Variants in ARHGAP39 observed in about 807,000 individuals in gnomAD.
The protein encoded by ARHGAP39 is Rho GTPase activating protein 39.
A neutral mutation model predicts 106.9 loss-of-function variants in ARHGAP39; 44 were observed. The observed-to-expected ratio is 0.41, with a 90% CI of 0.32 to 0.53. The LOEUF is 0.53. Ranked by LOEUF, ARHGAP39 falls within the 20% of genes least tolerant of loss-of-function variation. The pLI is 0.21. For synonymous variants in ARHGAP39, 768 were observed against 693.2 expected, an observed-to-expected ratio of 1.11 and a Z score of -1.69; for missense variants, 1,496 against 1,577.3, an observed-to-expected ratio of 0.95 and a Z score of 0.87.
chr8:144,580,220 C>T (rs1236155297), intron 3 of ARHGAP39, among the ~76,000 whole-genome samples: 1 of 152,230 alleles, frequency 6.6e-6, no homozygotes, highest in South Asian at 2.1e-4. Context: ...CAGAGGACCA[C>T]CTCCAAGCCT....
Position 144,532,415 on chromosome 8 carries a change from G to T in ARHGAP39, c.2889-19C>A. On this transcript the variant is annotated intron_variant, in intron 9 of 11. Transcript: ENST00000377307. ...AGGGACCCTGCAGGGCACAGGGCAG[G>T]TCTCAGGCAACAGGAGCCTGTGCTG... 6.2e-7 allele frequency: 1 copy of T among 1,605,140 alleles called. No homozygotes were observed. The highest frequency in any genetic ancestry group is 8.5e-7 in the Non-Finnish European group (1 of 1,174,314).
chr8:144,547,442 G>A lies in ARHGAP39; in HGVS notation c.1644C>T (p.Gly548=), dbSNP rs1341917763. Residue 548 remains glycine (G), a synonymous_variant, in exon 5 of 12, where the codon GGC becomes GGT. Coordinates refer to ENST00000377307, the MANE Select transcript of ARHGAP39 (RefSeq NM_025251.3). The surrounding 1 kb of genome is among the most constrained non-coding windows in gnomAD (Gnocchi z 5.2). ...RAEGEAEGAR[G]AAEPFLAQAR... ...CCTGCGCCAGGAAGGGCTCGGCCGC[G>A]CCCCGCGCCCCTTCGGCCTCACCTT... The A allele has an allele frequency of 1.9e-6, 3 of 1,573,320 alleles. No individual in the cohort carries two copies. Among genetic ancestry groups the A allele is most frequent in the East Asian group, 2.3e-5 (1 of 43,636 alleles).
In ARHGAP39 at chr8:144,547,875, G is replaced by T; in HGVS notation, c.1211C>A (p.Ala404Glu). 1 of 1,584,346 alleles carries T rather than the reference G, an allele frequency of 6.3e-7. No homozygotes were observed. Among genetic ancestry groups the T allele is most frequent in the Non-Finnish European group, 8.6e-7 (1 of 1,165,962 alleles). ...GGCGCGCAGCTTGGGGCTGGAGCCC[G>T]CCTGCTCCACGTAGACCAGCTGCCG... ...YVRQLVYVEQAGSSPKLRAGP... is the reference protein window; with the variant it reads ...YVRQLVYVEQEGSSPKLRAGP... Residue 404 changes from alanine to glutamate, a missense_variant, in exon 5 of 12, where the codon GCG (alanine) becomes GAG (glutamate). By Grantham distance (107) the Ala-to-Glu change is moderately radical. Coordinates refer to ENST00000377307, the MANE Select transcript of ARHGAP39 (RefSeq NM_025251.3). The surrounding 1 kb of genome is among the most constrained non-coding windows in gnomAD (Gnocchi z 5.2).
chr8:144,673,823 C>T (rs1394112303), intron 1 of ARHGAP39, among the ~76,000 whole-genome samples: 1 of 152,242 alleles, frequency 6.6e-6, no homozygotes, highest in Non-Finnish European at 1.5e-5. Flanking sequence ...GGTGTGTGGG[C>T]AAGCAAGCGC....
intron 3 of ARHGAP39, among the ~76,000 whole-genome samples, chr8:144,568,605 T>G (rs1376479369): frequency 6.6e-6 from 1 of 152,156 alleles, no homozygotes; most frequent in East Asian, 1.9e-4. Flanking sequence ...ATGATAACAA[T>G]GTATTAAGAC....
At chr8:144,638,797 C>T (rs1184168005) in intron 1 of ARHGAP39, among the ~76,000 whole-genome samples, 6 of 152,306 alleles carry the variant, frequency 3.9e-5, no homozygotes, top group Non-Finnish European at 5.9e-5. Flanking sequence ...CCCTCACTGC[C>T]GACATGGAAT....
chr8:144,618,884 T>G (rs1820709705), intron 1 of ARHGAP39, among the ~76,000 whole-genome samples: 1 of 152,218 alleles, frequency 6.6e-6, no homozygotes. Context: ...GCGGGCACAG[T>G]TGCGCACTGG....
chr8:144,601,547 C>G (rs1345313994), intron 2 of ARHGAP39, among the ~76,000 whole-genome samples: 9 of 128,772 alleles, frequency 7.0e-5, no homozygotes, highest in Admixed American at 2.5e-4. Context: ...TGCATGGAGG[C>G]GTGCGTGCGA....
At chr8:144,601,507 G>C (rs979932090) in intron 2 of ARHGAP39, among the ~76,000 whole-genome samples, 1 of 132,128 alleles carries the variant, frequency 7.6e-6, no homozygotes, top group Non-Finnish European at 1.6e-5. Context: ...TGTGCGTGGA[G>C]GCATGTGTGT....
rs186075047 is a variant in ARHGAP39 at position 144,613,386 on chromosome 8, T to C, written c.-81-7691A>G. On this transcript the variant is annotated intron_variant, in intron 1 of 11. Coordinates refer to ENST00000377307, the MANE Select transcript of ARHGAP39 (RefSeq NM_025251.3). ...AAAGCATCTGTAACATTTCTTTCAG[T>C]GAAGGTCTGCTGGTAATGAACTAGT... Among the ~76,000 whole-genome samples, 10 of 152,336 alleles carry C rather than the reference T, an allele frequency of 6.6e-5. 1 individual carries two copies. The highest frequency in any genetic ancestry group is 2.4e-4 in the African/African-American group (10 of 41,576).
At chr8:144,690,138 T>C (rs919719499), upstream of ARHGAP39, among the ~76,000 whole-genome samples, 4 of 152,016 alleles carry the variant, frequency 2.6e-5, no homozygotes, top group Non-Finnish European at 5.9e-5. Flanking sequence ...AGTTTCACTC[T>C]TGTTGCCCAG....
rs1819140427 is a variant in ARHGAP39, at chr8:144,585,323, C to T, written c.81-4046G>A. Among the ~76,000 whole-genome samples, 1 of 151,836 alleles carries T rather than the reference C, an allele frequency of 6.6e-6. No homozygotes were observed. Among genetic ancestry groups the T allele is most frequent in the Non-Finnish European group, 1.5e-5 (1 of 67,938 alleles). ...AAATCACCACAGAGAACCTGAGGGG[C>T]CAGCCAGGGGTTCCCAGCACCAGCT... On this transcript the variant is annotated intron_variant, in intron 2 of 11. Coordinates refer to ENST00000377307, the MANE Select transcript of ARHGAP39 (RefSeq NM_025251.3). This position sits in a 1 kb window ranked among gnomAD's most constrained non-coding sequence, Gnocchi z 4.6.
intron 3 of ARHGAP39, 47 bp downstream of exon 3, chr8:144,580,799 C>T: frequency 6.9e-7 from 1 of 1,449,816 alleles, no homozygotes; most frequent in Non-Finnish European, 9.1e-7. Context: ...TGGCCCCGCC[C>T]ACTCCATTCA....
intron 3 of ARHGAP39, among the ~76,000 whole-genome samples, chr8:144,579,712 CCCT>C (rs1372596158): frequency 6.6e-6 from 1 of 152,162 alleles, no homozygotes; most frequent in Non-Finnish European, 1.5e-5. Flanking sequence ...CACTCTGAAT[CCCT>C]CTTCTGAAGC....
intron 2 of ARHGAP39, among the ~76,000 whole-genome samples, chr8:144,590,538 G>C (rs1347036813): frequency 6.6e-6 from 1 of 152,042 alleles, no homozygotes; most frequent in African/African-American, 2.4e-5. Context: ...GCAGATGCTG[G>C]CGCCATGCTT....
At chr8:144,539,291 T>C (rs1400031869) in intron 6 of ARHGAP39, among the ~76,000 whole-genome samples, 1 of 152,218 alleles carries the variant, frequency 6.6e-6, no homozygotes, top group African/African-American at 2.4e-5. Flanking sequence ...GAGCTAAACA[T>C]GGCCTCTAAC....
rs981812717 is a variant in ARHGAP39, at chr8:144,645,022, C to T, written c.-81-39327G>A. 1.4e-4 allele frequency among the ~76,000 whole-genome samples: 21 copies of T among 152,214 alleles called. No homozygotes were observed. Among genetic ancestry groups the T allele is most frequent in the Admixed American group, 6.5e-5 (1 of 15,286 alleles). The stretch of plus-strand genomic sequence containing the variant: ...GTGGCAGGTGACAGGCGCTGGGCCA[C>T]GGCAGAGAGCACATGTCAACCGCAG... On this transcript the variant is annotated intron_variant, in intron 1 of 11. Transcript: ENST00000377307. The surrounding 1 kb of genome is among the most constrained non-coding windows in gnomAD (Gnocchi z 4.4).
At chr8:144,568,272 T>C (rs1389830556) in intron 3 of ARHGAP39, among the ~76,000 whole-genome samples, 1 of 123,606 alleles carries the variant, frequency 8.1e-6, no homozygotes, top group Non-Finnish European at 1.6e-5. Context: ...AGGTGGAGGA[T>C]GCAGTGAGCC....
intron 1 of ARHGAP39, among the ~76,000 whole-genome samples, chr8:144,620,524 C>T (rs916905072): frequency 2.7e-5 from 4 of 149,570 alleles, no homozygotes; most frequent in African/African-American, 1.0e-4. Flanking sequence ...CCCGTGTGAG[C>T]CTGTGTCCCT....
Sources: allele counts gnomAD v4.1 joint callset (sites outside exome capture counted in the v4.1 genomes callset), GRCh38; gene constraint gnomAD v4.1.1; non-coding constraint Gnocchi (gnomAD v3.1); transcripts MANE v1.5; gene names NCBI Gene and HGNC (gene_info 2026-07-23, HGNC 2026-07-21).